LARS1: variants seen among roughly 807,000 people sequenced by gnomAD.
LARS1 encodes the protein leucine--tRNA ligase, cytoplasmic.
In LARS1, 100 loss-of-function variants were observed where a neutral mutation model predicts 162.8. The observed-to-expected ratio is 0.61, with a 90% CI of 0.52 to 0.73. The LOEUF is 0.73. Ranked by LOEUF, LARS1 falls within the 30% of genes least tolerant of loss-of-function variation. The pLI, the probability that LARS1 is intolerant of heterozygous loss-of-function variation, is 0.00. For missense variants in LARS1, 1,258 were observed against 1,408.9 expected (o/e 0.89, Z 1.71); for synonymous variants, 457 against 462.8 (o/e 0.99, Z 0.16).
At chr5:146,142,193 C>T (rs897878530) in intron 20 of LARS1, among the ~76,000 whole-genome samples, 1 of 151,882 alleles carries the variant, frequency 6.6e-6, no homozygotes, top group Non-Finnish European at 1.5e-5. Flanking sequence ...GAGGCTGAGA[C>T]AGGAGAATTG....
intron 23 of LARS1, chr5:146,132,138 T>C (rs1752312898): frequency 6.6e-6 from 1 of 152,130 alleles, no homozygotes; most frequent in African/African-American, 2.4e-5. Flanking sequence ...TGAAACCCCA[T>C]CTCTACTAAA....
chr5:146,121,036 G>T (rs1236433666), intron 30 of LARS1, among the ~76,000 whole-genome samples: 4 of 152,112 alleles, frequency 2.6e-5, no homozygotes, highest in African/African-American at 4.8e-5. Flanking sequence ...TCTTGTGAAA[G>T]ACTTAAATAC....
chr5:146,170,469 C>CA (rs34201197), intron 4 of LARS1, among the ~76,000 whole-genome samples: 90 of 130,870 alleles, frequency 6.9e-4, no homozygotes, highest in East Asian at 6.6e-4. Context: ...GATTCCGTCT[C>CA]AAAAAAAAAA....
intron 10 of LARS1, 106 bp downstream of exon 10, chr5:146,157,297 T>A: frequency 1.1e-6 from 1 of 946,588 alleles, no homozygotes; most frequent in Non-Finnish European, 1.7e-6. Flanking sequence ...GTTTACTGCA[T>A]GTACACCTCA....
At chr5:146,147,855 C>G (rs889939047) in intron 15 of LARS1, among the ~76,000 whole-genome samples, 5 of 152,042 alleles carry the variant, frequency 3.3e-5, no homozygotes, top group Admixed American at 6.5e-5. Flanking sequence ...GAAAATTGAC[C>G]TACACCCAAG....
intron 7 of LARS1, among the ~76,000 whole-genome samples, 189 bp from the exon 8 acceptor site, chr5:146,159,659 T>A (rs67986716): frequency 6.6e-6 from 1 of 152,032 alleles, no homozygotes; most frequent in East Asian, 1.9e-4. Context: ...AAGCTTTCTA[T>A]CTTCGTCAAA....
rs34192761 is a variant in LARS1 at position 146,126,459 on chromosome 5, G to A, written c.2967C>T (p.Val989=). 6.3e-5 allele frequency: 102 copies of A among 1,610,702 alleles called. No homozygotes were observed. The African/African-American group carries it at 1.3e-3, about 20-fold the overall frequency. ...CCTTAATCATGGCAACAAATGGCAT[G>A]ACTTTCTTCATGTATTTCTTCAGTT... ...MPELKKYMKK[V]MPFVAMIKEN... is the part of the protein sequence containing the mutation. Residue 989 remains valine, a synonymous_variant, in exon 28 of 32, where the codon GTC becomes GTT. Transcript: ENST00000394434.
Position 146,114,254 on chromosome 5 carries a change from A to G in LARS1, c.3383T>C (p.Val1128Ala), listed in dbSNP as rs750316944. The change falls in exon 32 of 32, where the codon GTT becomes GCT. Residue 1128 changes from valine to alanine, a missense_variant. Coordinates refer to ENST00000394434, the MANE Select transcript of LARS1 (RefSeq NM_020117.11). ...GGTGTACTCCTTTCCCAGGACAGGA[A>G]CTCGTCGAGGCCCCAACAGTGGATC... ...FDDPLLGPRR[V>A]PVLGKEYTEK... 3 of 1,613,572 alleles carry G rather than the reference A, an allele frequency of 1.9e-6. No individual in the cohort carries two copies. The Admixed American group carries it at 5.0e-5, about 27-fold the overall frequency.
At chr5:146,181,636 A>G (rs955890301) in intron 1 of LARS1, among the ~76,000 whole-genome samples, 1 of 152,032 alleles carries the variant, frequency 6.6e-6, no homozygotes, top group African/African-American at 2.4e-5. Flanking sequence ...TGGGTCACAG[A>G]GTGAGAACAT....
At chr5:146,128,809 T>G in intron 26 of LARS1, 27 bp from the exon 27 acceptor site, 1 of 1,576,906 alleles carries the variant, frequency 6.3e-7, no homozygotes, top group Non-Finnish European at 8.6e-7. Flanking sequence ...AGGAAAAACA[T>G]TCAATAGCTT....
chr5:146,175,226 AGACTCT>A (rs951367404), intron 2 of LARS1, among the ~76,000 whole-genome samples: 2 of 151,054 alleles, frequency 1.3e-5, no homozygotes, highest in African/African-American at 4.9e-5. Flanking sequence ...CTGACACCAC[AGACTCT>A]GTCTCCAAAT....
intron 6 of LARS1, among the ~76,000 whole-genome samples, chr5:146,163,011 G>C (rs1204261051): frequency 6.6e-6 from 1 of 152,122 alleles, no homozygotes; most frequent in Non-Finnish European, 1.5e-5. Context: ...GGTTTCCCCA[G>C]GTGGCCAGGC....
At chr5:146,145,906 C>A (rs540150100) in intron 15 of LARS1, among the ~76,000 whole-genome samples, 55 of 152,014 alleles carry the variant, frequency 3.6e-4, no homozygotes, top group African/African-American at 1.3e-3. Context: ...ATTTTGAAAA[C>A]AAAAAAGCAA....
In LARS1 at chr5:146,151,993, T is replaced by A; in HGVS notation, c.1294A>T (p.Ile432Phe). Reference sequence around the variant, plus strand: ...AGATTTCCAAAACCTGGGATTTCAATGACTGGCACCTGCAGCAAACAGCAA... The same window carrying A: ...AGATTTCCAAAACCTGGGATTTCAAAGACTGGCACCTGCAGCAAACAGCAA... ...MVLPFEPVPV[I>F]EIPGFGNLSA... is the part of the protein sequence containing the mutation. Residue 432 changes from isoleucine to phenylalanine, a missense_variant, in exon 14 of 32, where the codon ATT becomes TTT. Coordinates refer to ENST00000394434, the MANE Select transcript of LARS1 (RefSeq NM_020117.11). 2 of 1,614,016 alleles carry A rather than the reference T, an allele frequency of 1.2e-6. No individual in the cohort carries two copies. Among genetic ancestry groups the A allele is most frequent in the Non-Finnish European group, 1.7e-6 (2 of 1,180,036 alleles).
chr5:146,178,603 A>C (rs1037675730), intron 1 of LARS1, among the ~76,000 whole-genome samples: 4 of 149,392 alleles, frequency 2.7e-5, no homozygotes, highest in African/African-American at 9.7e-5. Flanking sequence ...AACAAGAGCG[A>C]AACTCCATCC....
At position 146,143,009 on chromosome 5, in the gene LARS1, T is replaced by G. The variant is rs756618995; in HGVS notation, c.1953A>C (p.Ala651=). ...KEAPFPKTQI[A]KEKLDQLKQE... The stretch of plus-strand genomic sequence containing the variant: ...GCTTTAACTGATCTAATTTTTCCTT[T>G]GCAATCTGAGTCTTAGGAAATGGAG... Residue 651 remains alanine (A), a synonymous_variant, in exon 20 of 32, where the codon GCA becomes GCC. Transcript: ENST00000394434. 1.2e-6 allele frequency: 2 copies of G among 1,613,958 alleles called. No individual in the cohort carries two copies. Among genetic ancestry groups the G allele is most frequent in the East Asian group, 2.2e-5 (1 of 44,886 alleles).
intron 18 of LARS1, 116 bp downstream of exon 18, chr5:146,144,151 T>C: frequency 1.4e-6 from 1 of 735,204 alleles, no homozygotes; most frequent in Non-Finnish European, 2.3e-6. Context: ...CAGAGGAAAC[T>C]TACTGCTTTC....
At chr5:146,156,216 C>A (rs62373786) in intron 10 of LARS1, among the ~76,000 whole-genome samples, 3 of 151,922 alleles carry the variant, frequency 2.0e-5, no homozygotes, top group African/African-American at 7.3e-5. Context: ...TATCTTTTTG[C>A]GTTTTTTGAA....
chr5:146,151,905 G>A lies in LARS1; in HGVS notation c.1382C>T (p.Ala461Val), dbSNP rs1265459592. The change falls in exon 14 of 32, where the codon GCA becomes GTA. Residue 461 changes from alanine to valine, a missense_variant. By Grantham distance (64) the Ala-to-Val change is moderately conservative. Transcript: ENST00000394434. ...IQSQNDREKL[A>V]EAKEKIYLKG... ...TAGATATATCTTCTCCTTTGCTTCT[G>A]CAAGTTTTTCCCGGTCATTCTGGCT... 6.2e-7 allele frequency: 1 copy of A among 1,614,004 alleles called. No homozygotes were observed. The highest frequency in any genetic ancestry group is 1.1e-5 in the South Asian group (1 of 91,088).
Sources: gnomAD v4.1 joint callset for allele counts (sites outside exome capture counted in the v4.1 genomes callset) on GRCh38, gnomAD v4.1.1 for gene constraint, MANE v1.5 for transcripts, NCBI Gene and HGNC (gene_info 2026-07-23, HGNC 2026-07-21) for gene names.